SLC9C2: variants seen among roughly 807,000 people sequenced by gnomAD.
SLC9C2 encodes the protein solute carrier family 9 member C2 (putative), also known as sodium/hydrogen exchanger 11.
In SLC9C2, 75 loss-of-function variants were observed where a neutral mutation model predicts 140.2. That is an observed-to-expected ratio of 0.53 (90% confidence interval 0.44 to 0.65). SLC9C2 has a LOEUF of 0.65. SLC9C2 is among the 30% of genes least tolerant of loss of function. SLC9C2 has a pLI of 0.00. For missense variants in SLC9C2, 1,074 were observed against 1,331.8 expected, an observed-to-expected ratio of 0.81 and a Z score of 3.01; for synonymous variants, 375 against 420.9, an observed-to-expected ratio of 0.89 and a Z score of 1.34.
intron 17 of SLC9C2, 151 bp from the exon 18 acceptor site, chr1:173,530,205 A>T: frequency 1.5e-6 from 1 of 651,490 alleles, no homozygotes; most frequent in Non-Finnish European, 2.5e-6. Context: ...CCCACTGGAG[A>T]CCTGTGGAAT....
Position 173,540,806 on chromosome 1 carries a change from AATATAGAAGCC to A in SLC9C2, c.1558-3778_1558-3768del, listed in dbSNP as rs1357832966. Reference sequence around the variant, plus strand: ...CAGTCTTAAAGCAGAACTTAGACAAAATATAGAAGCCATGGTTTGCCAGGTTGGAAAGTAAA... The same window carrying A: ...CAGTCTTAAAGCAGAACTTAGACAAAATGGTTTGCCAGGTTGGAAAGTAAA... On this transcript the variant is annotated intron_variant, in intron 13 of 27. Coordinates refer to ENST00000367714, the MANE Select transcript of SLC9C2 (RefSeq NM_178527.4). Among the ~76,000 whole-genome samples, 10 of 152,296 alleles carry A rather than the reference AATATAGAAGCC, an allele frequency of 6.6e-5. No homozygotes were observed. The East Asian group carries it at 1.9e-3, about 29-fold the overall frequency.
Position 173,529,896 on chromosome 1 carries a change from G to A in SLC9C2, c.2313+9C>T. On this transcript the variant is annotated intron_variant, in intron 18 of 27. Coordinates refer to ENST00000367714, the MANE Select transcript of SLC9C2 (RefSeq NM_178527.4). The stretch of plus-strand genomic sequence containing the variant: ...TTTTCTCCCCAAATGACCAGTGCTT[G>A]TTTCTCACCTGATATATTGATTCAC... The A allele has an allele frequency of 6.2e-7, 1 of 1,603,094 alleles. No homozygotes were observed. The highest frequency in any genetic ancestry group is 1.3e-5 in the African/African-American group (1 of 74,162).
chr1:173,548,313 T>G (rs1469648968), intron 12 of SLC9C2, 76 bp downstream of exon 12: 17 of 1,421,438 alleles, frequency 1.2e-5, no homozygotes, highest in Non-Finnish European at 1.6e-5. Flanking sequence ...AATCAGGTCT[T>G]TAACAATAGG....
chr1:173,537,950 T>C (rs1176051020), intron 13 of SLC9C2, among the ~76,000 whole-genome samples: 4 of 152,194 alleles, frequency 2.6e-5, no homozygotes, highest in Non-Finnish European at 4.4e-5. Context: ...ATCCATTGTT[T>C]AGAAATGTTG....
intron 4 of SLC9C2, among the ~76,000 whole-genome samples, chr1:173,589,452 C>T (rs1666037467): frequency 6.6e-6 from 1 of 151,916 alleles, no homozygotes; most frequent in Admixed American, 6.6e-5. Flanking sequence ...CCCAGCTATT[C>T]CAGAAGCTGA....
At chr1:173,564,698 C>A (rs766506921) in intron 9 of SLC9C2, among the ~76,000 whole-genome samples, 9 of 135,990 alleles carry the variant, frequency 6.6e-5, no homozygotes, top group Non-Finnish European at 1.1e-4. Flanking sequence ...AGTGCAGTGG[C>A]GCGATCTCGG....
Position 173,524,824 on chromosome 1 carries a change from A to G in SLC9C2, c.2469T>C (p.Cys823=). 1 of 1,614,118 alleles carries G rather than the reference A, an allele frequency of 6.2e-7. No homozygotes were observed. Among genetic ancestry groups the G allele is most frequent in the Non-Finnish European group, 8.5e-7 (1 of 1,179,964 alleles). The part of the protein sequence containing the change: ...AKALKNLTFL[C]SRGIIDKHEV... The stretch of plus-strand genomic sequence containing the variant: ...CATGCTTATCAATAATGCCTCTTGA[A>G]CAAAGGAAGGTGAGATTTTTTAGAG... The change falls in exon 20 of 28, where the codon TGT becomes TGC. Residue 823 remains cysteine, a synonymous_variant. Transcript: ENST00000367714.
intron 19 of SLC9C2, among the ~76,000 whole-genome samples, chr1:173,525,734 C>G (rs1256493944): frequency 6.6e-6 from 1 of 152,216 alleles, no homozygotes; most frequent in Non-Finnish European, 1.5e-5. Flanking sequence ...GAAACAAGCA[C>G]TGCCTTTTAG....
chr1:173,587,865 A>G, intron 4 of SLC9C2, 35 bp from the exon 5 acceptor site: 4 of 1,513,956 alleles, frequency 2.6e-6, no homozygotes, highest in Non-Finnish European at 2.7e-6. Context: ...ATTAGACTTA[A>G]CATCTAAAGA....
chr1:173,562,633 T>G (rs1013347976), intron 9 of SLC9C2, among the ~76,000 whole-genome samples: 5 of 152,204 alleles, frequency 3.3e-5, no homozygotes, highest in Non-Finnish European at 7.3e-5. Flanking sequence ...GAATAAATCA[T>G]CATCCAGATT....
intron 19 of SLC9C2, 95 bp downstream of exon 19, chr1:173,526,568 T>C: frequency 8.8e-7 from 1 of 1,137,522 alleles, no homozygotes; most frequent in Non-Finnish European, 1.3e-6. Flanking sequence ...CATAAATGAA[T>C]GAGCAAGTAA....
At chr1:173,566,782 GTT>G (rs201850319) in intron 9 of SLC9C2, among the ~76,000 whole-genome samples, 1 of 142,436 alleles carries the variant, frequency 7.0e-6, no homozygotes. Flanking sequence ...TTTGCTTGGA[GTT>G]TTTTTTTTTT....
Position 173,512,936 on chromosome 1 carries a change from T to C in SLC9C2, c.2908-3237A>G, listed in dbSNP as rs567778782. 8.3e-4 allele frequency among the ~76,000 whole-genome samples: 126 copies of C among 152,360 alleles called. 1 individual carries two copies. Among genetic ancestry groups the C allele is most frequent in the African/African-American group, 2.7e-3 (112 of 41,582 alleles). On this transcript the variant is annotated intron_variant, in intron 23 of 27. Coordinates refer to ENST00000367714, the MANE Select transcript of SLC9C2 (RefSeq NM_178527.4). ...GTGGTTTTGTCATTGGTTCTGTTTA[T>C]CTGATGGATTATGTTTATTGATTTG...
chr1:173,543,912 A>T (rs1266085736), intron 13 of SLC9C2, among the ~76,000 whole-genome samples: 1 of 152,196 alleles, frequency 6.6e-6, no homozygotes, highest in East Asian at 1.9e-4. Flanking sequence ...CCCAGAAGAA[A>T]ACCTAGGCAA....
At chr1:173,501,566 A>C (rs1375660765) in intron 27 of SLC9C2, among the ~76,000 whole-genome samples, 1 of 131,520 alleles carries the variant, frequency 7.6e-6, no homozygotes, top group Non-Finnish European at 1.5e-5. Flanking sequence ...GCTGGAGTGC[A>C]GTGGCATGGT....
At chr1:173,586,249 T>A (rs1014145064) in intron 5 of SLC9C2, among the ~76,000 whole-genome samples, 4 of 152,158 alleles carry the variant, frequency 2.6e-5, no homozygotes, top group African/African-American at 9.7e-5. Context: ...GAGAAATGTA[T>A]CTACCTTGTA....
intron 4 of SLC9C2, 106 bp downstream of exon 4, chr1:173,597,798 A>C: frequency 8.4e-7 from 1 of 1,195,504 alleles, no homozygotes; most frequent in Non-Finnish European, 1.1e-6. Flanking sequence ...AAAACAAATA[A>C]AATATGACAT....
intron 15 of SLC9C2, 35 bp downstream of exon 15, chr1:173,535,795 C>G (rs1488382500): frequency 4.8e-6 from 7 of 1,458,620 alleles, no homozygotes; most frequent in Non-Finnish European, 6.4e-6. Flanking sequence ...GTAGTATTTT[C>G]AAGTATGTTT....
chr1:173,514,374 T>C (rs1276560320), intron 23 of SLC9C2, among the ~76,000 whole-genome samples: 10 of 152,256 alleles, frequency 6.6e-5, no homozygotes, highest in African/African-American at 2.4e-4. Flanking sequence ...GATAGCTAGC[T>C]CTTCTTGTTG....
Sources: gnomAD v4.1 joint callset for allele counts (sites outside exome capture counted in the v4.1 genomes callset) on GRCh38, gnomAD v4.1.1 for gene constraint, MANE v1.5 for transcripts, NCBI Gene and HGNC (gene_info 2026-07-23, HGNC 2026-07-21) for gene names.